Variants in MYRFL observed in about 807,000 individuals in gnomAD.
MYRFL encodes myelin regulatory factor-like protein.
Under a neutral mutation model 109.4 loss-of-function variants are expected in MYRFL, and 88 were observed. The observed-to-expected ratio is 0.80, with a 90% CI of 0.68 to 0.96. MYRFL has a LOEUF of 0.96. Among genes scored for constraint, MYRFL ranks in the 40% least tolerant of loss-of-function variants. The probability of loss-of-function intolerance (pLI) is 0.00; values close to 1 mark genes in which losing one functional copy is unlikely to be tolerated. For missense variants in MYRFL, 957 were observed against 954.9 expected (o/e 1.00, Z -0.03); for synonymous variants, 324 against 320.9 (o/e 1.01, Z -0.10).
At chr12:69,881,413 C>T (rs956466695) in intron 5 of MYRFL, among the ~76,000 whole-genome samples, 1 of 152,238 alleles carries the variant, frequency 6.6e-6, no homozygotes, top group Non-Finnish European at 1.5e-5. Context: ...CCCATCCCAC[C>T]ACTTCCCCAG....
At chr12:69,956,227 T>A (rs956539951) in intron 22 of MYRFL, among the ~76,000 whole-genome samples, 2 of 150,436 alleles carry the variant, frequency 1.3e-5, no homozygotes, top group Non-Finnish European at 2.9e-5. Flanking sequence ...TCACAGGTAG[T>A]AAGTGATGGA....
chr12:69,936,369 G>A, intron 18 of MYRFL, 34 bp downstream of exon 18: 3 of 1,534,396 alleles, frequency 2.0e-6, no homozygotes, highest in Middle Eastern at 1.7e-4. Flanking sequence ...CTCAAACCCG[G>A]TTTCAAGTGA....
At chr12:69,872,522 A>G (rs977684865) in intron 2 of MYRFL, among the ~76,000 whole-genome samples, 4 of 151,542 alleles carry the variant, frequency 2.6e-5, no homozygotes, top group Non-Finnish European at 5.9e-5. Context: ...TTTTTTTGAG[A>G]TGGAGTCTCG....
At chr12:69,927,102 G>A (rs891660045) in intron 14 of MYRFL, among the ~76,000 whole-genome samples, 4 of 151,754 alleles carry the variant, frequency 2.6e-5, no homozygotes, top group Non-Finnish European at 4.4e-5. Context: ...CCGCCACCAT[G>A]CCCGGCTAAT....
At chr12:69,840,595 T>A (rs1387204496) in intron 1 of MYRFL, among the ~76,000 whole-genome samples, 1 of 152,236 alleles carries the variant, frequency 6.6e-6, no homozygotes, top group African/African-American at 2.4e-5. Context: ...AGCACACTGC[T>A]CTTCATTACA....
chr12:69,867,097 CTT>C (rs1249388912), intron 2 of MYRFL, among the ~76,000 whole-genome samples: 2 of 152,206 alleles, frequency 1.3e-5, no homozygotes, highest in Non-Finnish European at 2.9e-5. Context: ...GCCCTTAACT[CTT>C]TATTTCCTTA....
At chr12:69,886,256 AC>A (rs1259483021) in intron 5 of MYRFL, among the ~76,000 whole-genome samples, 12 of 152,108 alleles carry the variant, frequency 7.9e-5, no homozygotes, top group African/African-American at 2.9e-4. Flanking sequence ...TTCATTTTTA[AC>A]TCTGCCTTCT....
intron 12 of MYRFL, among the ~76,000 whole-genome samples, chr12:69,910,482 C>T (rs1455136193): frequency 6.6e-6 from 1 of 151,806 alleles, no homozygotes; most frequent in East Asian, 1.9e-4. Context: ...ATACTCCAAT[C>T]CAGGAAGCCT....
chr12:69,826,213 C>T (rs1408754512), intron 1 of MYRFL, among the ~76,000 whole-genome samples: 1 of 152,004 alleles, frequency 6.6e-6, no homozygotes, highest in Non-Finnish European at 1.5e-5. Context: ...GGGGTAGTTT[C>T]TGTGGCTTGG....
intron 19 of MYRFL, among the ~76,000 whole-genome samples, chr12:69,948,414 G>C (rs1186978305): frequency 6.6e-6 from 1 of 152,164 alleles, no homozygotes; most frequent in African/African-American, 2.4e-5. Context: ...TGAAAACACA[G>C]TTCTGTGGAA....
chr12:69,948,075 T>C (rs1266640097), intron 19 of MYRFL, among the ~76,000 whole-genome samples: 3 of 152,130 alleles, frequency 2.0e-5, no homozygotes, highest in African/African-American at 7.2e-5. Context: ...TTATAATGAA[T>C]ATCACTGGAA....
chr12:69,848,654 A>G lies in MYRFL; in HGVS notation c.47-6626A>G, dbSNP rs182792717. Among the ~76,000 whole-genome samples, 685 of 152,218 alleles carry G rather than the reference A, an allele frequency of 4.5e-3. 5 individuals carry two copies. Among genetic ancestry groups the G allele is most frequent in the African/African-American group, 0.016 (654 of 41,560 alleles). On this transcript the variant is annotated intron_variant, in intron 1 of 24. Coordinates refer to ENST00000552032, the MANE Select transcript of MYRFL (RefSeq NM_182530.3). ...GTTTTAGTTGGTATTCTTTGATTTT[A>G]TAAGTTTAAAATATATGTCATATGC... is the stretch of plus-strand genomic sequence containing the variant.
rs1324828770 is a variant in MYRFL, at chr12:69,944,642, A to G, written c.2225-7471A>G. Among the ~76,000 whole-genome samples, 5 of 152,174 alleles carry G rather than the reference A, an allele frequency of 3.3e-5. No individual in the cohort carries two copies. The East Asian group carries it at 9.7e-4, about 29-fold the overall frequency. On this transcript the variant is annotated intron_variant, in intron 19 of 24. Coordinates refer to ENST00000552032, the MANE Select transcript of MYRFL (RefSeq NM_182530.3). The stretch of plus-strand genomic sequence containing the variant: ...TGGCACATGTATACGTATGTTACTA[A>G]CCTGCACAATGTGCACATGTACCCT...
At chr12:69,889,670 A>G (rs1262653099) in intron 6 of MYRFL, among the ~76,000 whole-genome samples, 1 of 152,170 alleles carries the variant, frequency 6.6e-6, no homozygotes, top group African/African-American at 2.4e-5. Context: ...TCTGGCCAAC[A>G]TGGCGAAACC....
intron 1 of MYRFL, among the ~76,000 whole-genome samples, chr12:69,854,965 T>C (rs1884182178): frequency 1.3e-5 from 2 of 152,362 alleles, no homozygotes; most frequent in South Asian, 4.1e-4. Context: ...ACATTTATTT[T>C]CATTTTGTAA....
chr12:69,834,035 G>A (rs779233888), intron 1 of MYRFL, among the ~76,000 whole-genome samples: 13 of 152,194 alleles, frequency 8.5e-5, no homozygotes, highest in Admixed American at 6.5e-4. Flanking sequence ...ACTAATAAGA[G>A]TACAAAGATA....
At chr12:69,944,383 A>G (rs1162922802) in intron 19 of MYRFL, among the ~76,000 whole-genome samples, 1 of 138,030 alleles carries the variant, frequency 7.2e-6, no homozygotes, top group Non-Finnish European at 1.5e-5. Context: ...TGTCCTTTGT[A>G]GGGACATGGA....
intron 2 of MYRFL, among the ~76,000 whole-genome samples, chr12:69,873,279 A>G (rs2136329765): frequency 6.6e-6 from 1 of 152,170 alleles, no homozygotes; most frequent in Admixed American, 6.5e-5. Context: ...AAATCTCATA[A>G]CGTTTTTTAC....
chr12:69,926,807 C>G, intron 14 of MYRFL, 73 bp downstream of exon 14: 1 of 1,225,190 alleles, frequency 8.2e-7, no homozygotes, highest in Non-Finnish European at 1.0e-6. Flanking sequence ...TAAGATCAAT[C>G]TAAATGGTCT....
Sources: allele counts gnomAD v4.1 joint callset (sites outside exome capture counted in the v4.1 genomes callset), GRCh38; gene constraint gnomAD v4.1.1; transcripts MANE v1.5; gene names NCBI Gene and HGNC (gene_info 2026-07-23, HGNC 2026-07-21).